The following LRRTM4 variants were observed in gnomAD, a reference collection of about 807,000 sequenced individuals.
The protein encoded by LRRTM4 is leucine rich repeat transmembrane neuronal 4, also known as leucine-rich repeat transmembrane neuronal protein 4.
In LRRTM4, 25 loss-of-function variants were observed where a neutral mutation model predicts 47.6. That is an observed-to-expected ratio of 0.53 (90% CI 0.38 to 0.73). The LOEUF (loss-of-function observed/expected upper bound fraction) is 0.73, where lower values mean the gene tolerates loss of function less well. LRRTM4 is among the 30% of genes least tolerant of loss of function. The pLI is 0.00. For synonymous variants in LRRTM4, 311 were observed against 269.5 expected, an observed-to-expected ratio of 1.15 and a Z score of -1.51; for missense variants, 638 against 713.4, an observed-to-expected ratio of 0.89 and a Z score of 1.20.
chr2:77,212,194 C>T (rs1490184042), intron 3 of LRRTM4, among the ~76,000 whole-genome samples: 1 of 151,666 alleles, frequency 6.6e-6, no homozygotes, highest in African/African-American at 2.4e-5. Context: ...TAGAAAAAAA[C>T]ATTACTTAAA....
chr2:76,800,469 C>CTT (rs1205347554), intron 3 of LRRTM4, among the ~76,000 whole-genome samples: 2 of 141,878 alleles, frequency 1.4e-5, no homozygotes, highest in African/African-American at 5.4e-5. Context: ...GGATTAAAGA[C>CTT]TTAAACGTTA....
intron 3 of LRRTM4, among the ~76,000 whole-genome samples, chr2:76,773,655 A>T (rs1673817082): frequency 6.6e-6 from 1 of 151,760 alleles, no homozygotes; most frequent in Non-Finnish European, 1.5e-5. Flanking sequence ...TTCCCCTTAA[A>T]TTAATTTAAA....
chr2:77,341,825 A>C (rs1671383142), intron 3 of LRRTM4, among the ~76,000 whole-genome samples: 1 of 151,964 alleles, frequency 6.6e-6, no homozygotes, highest in Non-Finnish European at 1.5e-5. Flanking sequence ...TATGGGAAGA[A>C]AGAAAGCATT....
chr2:76,977,189 C>T (rs1033951495), intron 3 of LRRTM4, among the ~76,000 whole-genome samples: 1 of 151,494 alleles, frequency 6.6e-6, no homozygotes, highest in African/African-American at 2.4e-5. Flanking sequence ...ACATCCCTTG[C>T]CAATCTTAAT....
intron 3 of LRRTM4, among the ~76,000 whole-genome samples, chr2:77,031,554 G>A (rs188407307): frequency 1.1e-4 from 16 of 152,142 alleles, no homozygotes; most frequent in East Asian, 1.9e-4. Context: ...TGGGTTACTC[G>A]GGGAGTGAGA....
intron 3 of LRRTM4, among the ~76,000 whole-genome samples, chr2:77,076,801 G>C (rs1054841282): frequency 1.3e-5 from 2 of 152,100 alleles, no homozygotes; most frequent in South Asian, 4.1e-4. Flanking sequence ...AATGTCATTT[G>C]ATTTAAAAAG....
rs58469429 is a variant in LRRTM4, at chr2:76,873,506, G to GTATATATATATATATATATA, written c.1552-124610_1552-124591dup. On this transcript the variant is annotated intron_variant, in intron 3 of 3. Coordinates refer to ENST00000409884, the MANE Select transcript of LRRTM4 (RefSeq NM_001134745.3). ...TATGTGTGTGTGTATATATATGTGT[G>GTATATATATATATATATATA]TATATATATATATATATATATATAT... Among the ~76,000 whole-genome samples, 47 of 112,304 alleles carry GTATATATATATATATATATA rather than the reference G, an allele frequency of 4.2e-4. 1 individual carries two copies. The highest frequency in any genetic ancestry group is 1.5e-3 in the African/African-American group (46 of 30,806). The allele number at this position is 112,304 out of a possible 152,430, so 73.7% of individuals were successfully genotyped here.
At chr2:77,085,455 G>A (rs958946430) in intron 3 of LRRTM4, among the ~76,000 whole-genome samples, 1 of 149,554 alleles carries the variant, frequency 6.7e-6, no homozygotes, top group Non-Finnish European at 1.5e-5. Context: ...CTAAATAAAA[G>A]ACAGATTAAC....
chr2:77,135,936 A>C (rs1572996717), intron 3 of LRRTM4, among the ~76,000 whole-genome samples: 1 of 152,292 alleles, frequency 6.6e-6, no homozygotes. Context: ...TTACTTTATA[A>C]ATTGTTTTCA....
At chr2:77,285,971 T>C (rs966117054) in intron 3 of LRRTM4, among the ~76,000 whole-genome samples, 3 of 152,106 alleles carry the variant, frequency 2.0e-5, no homozygotes, top group Non-Finnish European at 2.9e-5. Flanking sequence ...AACATTTTCC[T>C]TAAACCCAAT....
intron 3 of LRRTM4, among the ~76,000 whole-genome samples, chr2:77,060,291 G>C (rs778672521): frequency 6.6e-6 from 1 of 151,946 alleles, no homozygotes; most frequent in Non-Finnish European, 1.5e-5. Context: ...ATTTTTTGGG[G>C]GTGTGGCATT....
intron 3 of LRRTM4, among the ~76,000 whole-genome samples, chr2:77,453,704 T>C (rs1269912267): frequency 6.6e-6 from 1 of 152,212 alleles, no homozygotes; most frequent in African/African-American, 2.4e-5. Flanking sequence ...ATTTCTTTAT[T>C]GTTTTGCTTA....
chr2:76,958,008 ATT>A lies in LRRTM4; in HGVS notation c.1552-209094_1552-209093del, dbSNP rs1675732660. Among the ~76,000 whole-genome samples the A allele has an allele frequency of 2.0e-5, 3 of 151,742 alleles. No individual in the cohort carries two copies. The South Asian group carries it at 6.2e-4, about 31-fold the overall frequency. On this transcript the variant is annotated intron_variant, in intron 3 of 3. Coordinates refer to ENST00000409884, the MANE Select transcript of LRRTM4 (RefSeq NM_001134745.3). ...ATTGTTATTTGTTCCAATTTTAGTTATTATCAGCTGTAGGCCTTAAGTATTTT... is the reference window on the plus strand; with the variant it reads ...ATTGTTATTTGTTCCAATTTTAGTTAATCAGCTGTAGGCCTTAAGTATTTT...
chr2:76,897,642 T>C (rs1429649511), intron 3 of LRRTM4, among the ~76,000 whole-genome samples: 2 of 152,144 alleles, frequency 1.3e-5, no homozygotes, highest in African/African-American at 4.8e-5. Context: ...CTATATCAAG[T>C]TGCAATTCCA....
chr2:77,072,298 C>T (rs1379626455), intron 3 of LRRTM4, among the ~76,000 whole-genome samples: 3 of 151,478 alleles, frequency 2.0e-5, no homozygotes, highest in East Asian at 3.9e-4. Flanking sequence ...AATGAGTGGG[C>T]TTTAGCTGAA....
intron 3 of LRRTM4, among the ~76,000 whole-genome samples, chr2:76,912,141 G>T (rs896234345): frequency 6.6e-6 from 1 of 152,110 alleles, no homozygotes. Flanking sequence ...GGATGGTCTC[G>T]ATCTCCTGAC....
intron 3 of LRRTM4, among the ~76,000 whole-genome samples, chr2:77,010,196 T>C (rs970459856): frequency 6.6e-6 from 1 of 152,058 alleles, no homozygotes; most frequent in Non-Finnish European, 1.5e-5. Flanking sequence ...ATATTGTCAT[T>C]AACTGTAGTC....
intron 3 of LRRTM4, among the ~76,000 whole-genome samples, chr2:77,185,257 C>T (rs530136225): frequency 6.6e-6 from 1 of 152,244 alleles, no homozygotes; most frequent in South Asian, 2.1e-4. Context: ...AAGGGTGCTG[C>T]TCCTGGTAGA....
At chr2:77,218,966 A>G (rs1674539760) in intron 3 of LRRTM4, among the ~76,000 whole-genome samples, 2 of 152,350 alleles carry the variant, frequency 1.3e-5, no homozygotes, top group East Asian at 1.9e-4. Context: ...AAAATATGTC[A>G]TGATACGTGC....
Sources: allele counts gnomAD v4.1 joint callset (sites outside exome capture counted in the v4.1 genomes callset), GRCh38; gene constraint gnomAD v4.1.1; transcripts MANE v1.5; gene names NCBI Gene and HGNC (gene_info 2026-07-23, HGNC 2026-07-21).